CHD6: variants seen among roughly 807,000 people sequenced by gnomAD.
CHD6 encodes the protein chromodomain helicase DNA binding protein 6.
CHD6 carries 50 observed loss-of-function variants against 276.9 expected under a neutral mutation model. The observed-to-expected ratio is 0.18, with a 90% CI of 0.14 to 0.23. The LOEUF (loss-of-function observed/expected upper bound fraction) is 0.23. Ranked by LOEUF, CHD6 falls within the 10% of genes least tolerant of loss-of-function variation. The pLI, the probability that CHD6 is intolerant of heterozygous loss-of-function variation, is 1.00. For missense variants in CHD6, 2,564 were observed against 3,365.8 expected (o/e 0.76, Z 5.89); for synonymous variants, 1,173 against 1,229.3 (o/e 0.95, Z 0.96).
intron 28 of CHD6, among the ~76,000 whole-genome samples, chr20:41,425,791 A>G (rs1448436787): frequency 6.6e-6 from 1 of 151,958 alleles, no homozygotes; most frequent in Non-Finnish European, 1.5e-5. Flanking sequence ...CTTTCTTTAA[A>G]AAAAAAAACA....
intron 3 of CHD6, among the ~76,000 whole-genome samples, chr20:41,522,649 C>A (rs181462825): frequency 2.0e-4 from 31 of 151,700 alleles, no homozygotes; most frequent in Admixed American, 9.8e-4. Flanking sequence ...CATGCGCGCA[C>A]GCGTGCGCGC....
chr20:41,455,659 T>A (rs1600901218), intron 19 of CHD6, 141 bp downstream of exon 19: 1 of 594,038 alleles, frequency 1.7e-6, no homozygotes, highest in East Asian at 2.8e-5. Flanking sequence ...TCTATATCTT[T>A]AGATAGTCAC....
In CHD6 at chr20:41,538,521, T is replaced by C. The variant is rs369725631; in HGVS notation, c.34-4951A>G. On this transcript the variant is annotated intron_variant, in intron 2 of 36. Transcript: ENST00000373233. The stretch of plus-strand genomic sequence containing the variant: ...CAAAAAACGAACTCAAAGAGACAAA[T>C]TGGGGGTTACGAAAATGTTCTGAAA... Among the ~76,000 whole-genome samples, 55 of 152,158 alleles carry C rather than the reference T, an allele frequency of 3.6e-4. 1 individual carries two copies. The South Asian group carries it at 0.011, about 30-fold the overall frequency.
chr20:41,424,006 C>T (rs2047281288), intron 29 of CHD6, among the ~76,000 whole-genome samples: 1 of 152,174 alleles, frequency 6.6e-6, no homozygotes, highest in Non-Finnish European at 1.5e-5. Flanking sequence ...TTAGGAATCA[C>T]CTAGTTAACT....
chr20:41,465,019 A>T (rs1011497613), intron 17 of CHD6, among the ~76,000 whole-genome samples: 21 of 152,202 alleles, frequency 1.4e-4, no homozygotes, highest in Admixed American at 1.3e-3. Context: ...TAAATGGGAG[A>T]CAAAGGACAA....
chr20:41,489,368 C>G (rs1357774516), intron 12 of CHD6, among the ~76,000 whole-genome samples: 1 of 143,102 alleles, frequency 7.0e-6, no homozygotes, highest in Non-Finnish European at 1.6e-5. Flanking sequence ...AACCTATTTT[C>G]TCTTTATCCT....
intron 1 of CHD6, among the ~76,000 whole-genome samples, chr20:41,600,433 G>GC (rs1264377863): frequency 4.0e-5 from 6 of 151,590 alleles, no homozygotes; most frequent in African/African-American, 1.2e-4. Flanking sequence ...GGTAGAGTGA[G>GC]GGGGGGGTCT....
At chr20:41,527,253 A>G (rs1246409749) in intron 3 of CHD6, among the ~76,000 whole-genome samples, 1 of 152,106 alleles carries the variant, frequency 6.6e-6, no homozygotes, top group Non-Finnish European at 1.5e-5. Flanking sequence ...CCCGGCCAAC[A>G]TAGCAAAACC....
chr20:41,514,716 G>C, intron 4 of CHD6, 89 bp downstream of exon 4: 1 of 1,445,014 alleles, frequency 6.9e-7, no homozygotes, highest in Non-Finnish European at 9.5e-7. Context: ...GTGTGCTAGA[G>C]AAAGGCATAG....
In CHD6 at chr20:41,524,309, C is replaced by T. The variant is rs1366309873; in HGVS notation, c.554+8741G>A. ...AGTTAAAAGAAAAAATATAAAAAGACCCTAATTATTTTGGTACAGATATAA... is the reference window on the plus strand; with the variant it reads ...AGTTAAAAGAAAAAATATAAAAAGATCCTAATTATTTTGGTACAGATATAA... On this transcript the variant is annotated intron_variant, in intron 3 of 36. Coordinates refer to ENST00000373233, the MANE Select transcript of CHD6 (RefSeq NM_032221.5). Among the ~76,000 whole-genome samples, 6 of 152,110 alleles carry T rather than the reference C, an allele frequency of 3.9e-5. No individual in the cohort carries two copies. The East Asian group carries it at 9.6e-4, about 24-fold the overall frequency.
intron 25 of CHD6, among the ~76,000 whole-genome samples, chr20:41,441,832 G>A (rs1216698010): frequency 6.6e-6 from 1 of 152,120 alleles, no homozygotes; most frequent in Admixed American, 6.5e-5. Flanking sequence ...CCCATGAGGG[G>A]GTGTCGGCTG....
At chr20:41,604,479 C>G (rs2045806764) in intron 1 of CHD6, among the ~76,000 whole-genome samples, 1 of 152,168 alleles carries the variant, frequency 6.6e-6, no homozygotes, top group Admixed American at 6.5e-5. Flanking sequence ...GCAGAAGATT[C>G]CTAACTCTTC....
chr20:41,520,089 A>G (rs1451875407), intron 3 of CHD6, among the ~76,000 whole-genome samples: 1 of 152,260 alleles, frequency 6.6e-6, no homozygotes, highest in Non-Finnish European at 1.5e-5. Context: ...ATCACTGGCC[A>G]TGAGAGAAAC....
At chr20:41,455,285 G>A (rs2048348052) in intron 19 of CHD6, among the ~76,000 whole-genome samples, 1 of 152,184 alleles carries the variant, frequency 6.6e-6, no homozygotes, top group South Asian at 2.1e-4. Context: ...TTGTGGCTAG[G>A]GAAACCTGAG....
At chr20:41,465,875 C>A (rs4812512) in intron 17 of CHD6, among the ~76,000 whole-genome samples, 58,016 of 151,994 alleles carry the variant, frequency 0.38, 13,859 homozygotes, top group African/African-American at 0.66. Flanking sequence ...TTTCCCTGTC[C>A]CTTCCATCCT....
At chr20:41,609,558 C>A (rs2045863774) in intron 1 of CHD6, among the ~76,000 whole-genome samples, 1 of 152,194 alleles carries the variant, frequency 6.6e-6, no homozygotes, top group Non-Finnish European at 1.5e-5. Context: ...ATAAACAAAA[C>A]AGACACTGCT....
At chr20:41,581,605 G>C (rs2045540189) in intron 1 of CHD6, among the ~76,000 whole-genome samples, 2 of 151,572 alleles carry the variant, frequency 1.3e-5, no homozygotes, top group Admixed American at 6.6e-5. Context: ...AACTCAGGGA[G>C]GCGGAGGCTG....
At chr20:41,539,081 C>T (rs528332474) in intron 2 of CHD6, among the ~76,000 whole-genome samples, 141 of 152,292 alleles carry the variant, frequency 9.3e-4, no homozygotes, top group African/African-American at 3.2e-3. Flanking sequence ...GAACTCCCTG[C>T]AGGAAACCTG....
chr20:41,525,269 C>T (rs559051008), intron 3 of CHD6, among the ~76,000 whole-genome samples: 303 of 152,300 alleles, frequency 2.0e-3, no homozygotes, highest in African/African-American at 6.5e-3. Context: ...AGCCCTAGCC[C>T]CTTCCCCAGG....
Sources: allele counts gnomAD v4.1 joint callset (sites outside exome capture counted in the v4.1 genomes callset), GRCh38; gene constraint gnomAD v4.1.1; transcripts MANE v1.5; gene names NCBI Gene and HGNC (gene_info 2026-07-23, HGNC 2026-07-21).